Variants in ARMC3 observed in about 807,000 individuals in gnomAD.
ARMC3 encodes armadillo repeat containing 3.
ARMC3 carries 74 observed loss-of-function variants against 90.3 expected under a neutral mutation model. That is an observed-to-expected ratio of 0.82 (90% CI 0.68 to 0.99). The LOEUF (loss-of-function observed/expected upper bound fraction) is 0.99, where lower values mean the gene tolerates loss of function less well. ARMC3 is among the 50% of genes least tolerant of loss of function. The pLI is 0.00. For synonymous variants in ARMC3, 334 were observed against 361.8 expected (o/e 0.92, Z 0.87); for missense variants, 958 against 1,042.8 (o/e 0.92, Z 1.12).
At chr10:22,991,064 GTAAATTCT>G (rs1351993046) in intron 10 of ARMC3, among the ~76,000 whole-genome samples, 1 of 151,956 alleles carries the variant, frequency 6.6e-6, no homozygotes, top group African/African-American at 2.4e-5. Flanking sequence ...CCTAAAGCAA[GTAAATTCT>G]TTTGGTTTTT....
rs1836382788 is a variant in ARMC3, at chr10:22,985,575, G to A, written c.1175+3875G>A. On this transcript the variant is annotated intron_variant, in intron 10 of 18. Transcript: ENST00000298032. ...ATTGTACACAAAAGCCATACAGGAG[G>A]GCCTGATGCCTCTTTGGTATGTACA... Among the ~76,000 whole-genome samples, 3 of 152,184 alleles carry A rather than the reference G, an allele frequency of 2.0e-5. No homozygotes were observed. In the South Asian group the frequency reaches 6.2e-4, roughly 32 times the overall value.
At chr10:22,982,378 TCAAACAAA>T (rs1047094129) in intron 10 of ARMC3, among the ~76,000 whole-genome samples, 7 of 152,204 alleles carry the variant, frequency 4.6e-5, no homozygotes, top group East Asian at 1.9e-4. Context: ...AGGCTCCGCT[TCAAACAAA>T]CAAACAAACA....
At chr10:23,029,862 GT>G (rs201538457) in intron 16 of ARMC3, among the ~76,000 whole-genome samples, 3 of 151,690 alleles carry the variant, frequency 2.0e-5, no homozygotes, top group Admixed American at 1.3e-4. Context: ...CATTTTGTAG[GT>G]TTTTTTTGCT....
intron 8 of ARMC3, among the ~76,000 whole-genome samples, chr10:22,976,299 A>G (rs1835918938): frequency 6.6e-6 from 1 of 152,078 alleles, no homozygotes; most frequent in Non-Finnish European, 1.5e-5. Context: ...ACATCTCCTC[A>G]GCTCATCTCC....
chr10:22,983,945 T>C (rs1477674782), intron 10 of ARMC3, among the ~76,000 whole-genome samples: 1 of 152,206 alleles, frequency 6.6e-6, no homozygotes, highest in Non-Finnish European at 1.5e-5. Context: ...GGCATCACTT[T>C]TAGTAGCGGT....
rs142894651 is a variant in ARMC3 at position 22,975,760 on chromosome 10, C to T, written c.917-5580C>T. On this transcript the variant is annotated intron_variant, in intron 8 of 18. Coordinates refer to ENST00000298032, the MANE Select transcript of ARMC3 (RefSeq NM_173081.5). ...ACTACACAGGCAAGCCTTTTGATCT[C>T]CAGAGTCATGATTTTTTCCCCTAAT... Among the ~76,000 whole-genome samples, 153 of 152,250 alleles carry T rather than the reference C, an allele frequency of 1.0e-3. 1 individual carries two copies. The East Asian group carries it at 0.029, about 28-fold the overall frequency.
chr10:22,996,912 A>G (rs2131395381), intron 10 of ARMC3, among the ~76,000 whole-genome samples: 1 of 148,742 alleles, frequency 6.7e-6, no homozygotes, highest in Admixed American at 6.8e-5. Context: ...GCTGAATCAT[A>G]TAGCTTCAGT....
At chr10:23,007,934 T>C (rs1364692864) in intron 14 of ARMC3, among the ~76,000 whole-genome samples, 1 of 151,946 alleles carries the variant, frequency 6.6e-6, no homozygotes. Flanking sequence ...TGAAACCCCA[T>C]CTATACAAAA....
chr10:22,986,171 T>G (rs1359792046), intron 10 of ARMC3, among the ~76,000 whole-genome samples: 1 of 148,494 alleles, frequency 6.7e-6, no homozygotes, highest in Non-Finnish European at 1.5e-5. Flanking sequence ...CTTCATCTAT[T>G]TAATTCACTG....
At chr10:22,929,546 A>G (rs1833851198) in intron 1 of ARMC3, among the ~76,000 whole-genome samples, 1 of 152,064 alleles carries the variant, frequency 6.6e-6, no homozygotes, top group African/African-American at 2.4e-5. Flanking sequence ...GATAAAACAC[A>G]TAGGCTTTTT....
chr10:22,961,980 C>G lies in ARMC3; in HGVS notation c.634C>G (p.Leu212Val), dbSNP rs1835218101. Reference sequence around the variant, plus strand: ...ATATCCAGTGATTCAGTTGTTGGCTCTCAAAACCTTAGGTGTTATTGCAAA... The same window carrying G: ...ATATCCAGTGATTCAGTTGTTGGCTGTCAAAACCTTAGGTGTTATTGCAAA... ...SEYPVIQLLA[L>V]KTLGVIANDK... The change falls in exon 7 of 19, where the codon CTC becomes GTC. Residue 212 changes from leucine to valine, a missense_variant. By Grantham distance (32) the Leu-to-Val change is conservative (BLOSUM62 1). Coordinates refer to ENST00000298032, the MANE Select transcript of ARMC3 (RefSeq NM_173081.5). 1 of 1,612,620 alleles carries G rather than the reference C, an allele frequency of 6.2e-7. No individual in the cohort carries two copies. The highest frequency in any genetic ancestry group is 8.5e-7 in the Non-Finnish European group (1 of 1,179,250).
chr10:22,973,753 C>CTTTTTTTTTTTTTTTTTT (rs56405413), intron 8 of ARMC3, among the ~76,000 whole-genome samples: 3 of 79,926 alleles, frequency 3.8e-5, no homozygotes, highest in African/African-American at 5.6e-5. Flanking sequence ...CTTTGTCTTT[C>CTTTTTTTTTTTTTTTTTT]TTTTTTTTTT....
chr10:22,983,440 C>T lies in ARMC3; in HGVS notation c.1175+1740C>T, dbSNP rs531316329. Among the ~76,000 whole-genome samples the T allele has an allele frequency of 1.6e-4, 25 of 152,176 alleles. No homozygotes were observed. The South Asian group carries it at 2.5e-3, about 15-fold the overall frequency. ...AGGTCAGTCAGGACTAAATGATGCC[C>T]GACTTCTCTACTACAGTCAACTTTA... On this transcript the variant is annotated intron_variant, in intron 10 of 18. Coordinates refer to ENST00000298032, the MANE Select transcript of ARMC3 (RefSeq NM_173081.5).
Position 22,968,360 on chromosome 10 carries a change from G to T in ARMC3, c.787G>T (p.Asp263Tyr). Residue 263 changes from aspartate to tyrosine, a missense_variant, in exon 8 of 19, where the codon GAC (aspartate) becomes TAC (tyrosine). By Grantham distance (160) the Asp-to-Tyr change is radical. Coordinates refer to ENST00000298032, the MANE Select transcript of ARMC3 (RefSeq NM_173081.5). ...TGCAGTGATAGCCAATTGCCTTGAA[G>T]ACATGGATACTATGGTGCAGATTCA... is the stretch of plus-strand genomic sequence containing the variant. ...ALAVIANCLE[D>Y]MDTMVQIQQT... is the part of the protein sequence containing the mutation. 1 of 1,614,072 alleles carries T rather than the reference G, an allele frequency of 6.2e-7. No individual in the cohort carries two copies. The highest frequency in any genetic ancestry group is 8.5e-7 in the Non-Finnish European group (1 of 1,179,966).
chr10:23,036,604 C>T (rs998003393), intron 18 of ARMC3, among the ~76,000 whole-genome samples: 2 of 152,174 alleles, frequency 1.3e-5, no homozygotes, highest in Non-Finnish European at 1.5e-5. Context: ...CGCGGCTAGT[C>T]GGTCTCAGAT....
At position 23,008,886 on chromosome 10, in the gene ARMC3, G is replaced by GA; in HGVS notation, c.2003dup (p.Asn668LysfsTer41). 6.2e-7 allele frequency: 1 copy of GA among 1,613,808 alleles called. No individual in the cohort carries two copies. The highest frequency in any genetic ancestry group is 8.5e-7 in the Non-Finnish European group (1 of 1,179,858). On this transcript the variant is annotated frameshift_variant, in exon 16 of 19. Coordinates refer to ENST00000298032, the MANE Select transcript of ARMC3 (RefSeq NM_173081.5). Reference sequence around the variant, plus strand: ...GACAAATCAGAGCCAGCTTCTGGACGAAATACTGTTCTCAGCAAAAGCGCC... The same window carrying GA: ...GACAAATCAGAGCCAGCTTCTGGACGAAAATACTGTTCTCAGCAAAAGCGCC...
intron 3 of ARMC3, among the ~76,000 whole-genome samples, chr10:22,948,164 T>C (rs1834611819): frequency 6.6e-6 from 1 of 152,194 alleles, no homozygotes; most frequent in African/African-American, 2.4e-5. Flanking sequence ...CAGGTCATCA[T>C]TGGGAATCCA....
At position 22,959,381 on chromosome 10, in the gene ARMC3, T is replaced by C; in HGVS notation, c.362-18T>C. ...ATAAGCAGTTGGCATACTTGTGTTA[T>C]TTATTTTTGATACACAGAAGAAGTA... On this transcript the variant is annotated intron_variant, in intron 5 of 18. Coordinates refer to ENST00000298032, the MANE Select transcript of ARMC3 (RefSeq NM_173081.5). The C allele has an allele frequency of 3.8e-6, 6 of 1,587,402 alleles. No individual in the cohort carries two copies. Among genetic ancestry groups the C allele is most frequent in the Non-Finnish European group, 5.1e-6 (6 of 1,169,438 alleles).
At position 23,008,233 on chromosome 10, in the gene ARMC3, A is replaced by G. The variant is rs542517299; in HGVS notation, c.1830-43A>G. ...GTGGAATAAAACCATCTGTTGACAA[A>G]TAATTTTAATCTATATATAATTTTA... On this transcript the variant is annotated intron_variant, in intron 14 of 18. Coordinates refer to ENST00000298032, the MANE Select transcript of ARMC3 (RefSeq NM_173081.5). The G allele has an allele frequency of 4.7e-4, 488 of 1,036,578 alleles. 6 individuals are homozygous for G. The South Asian group carries it at 8.0e-3, about 17-fold the overall frequency. The allele number at this position is 1,036,578 out of a possible 1,614,324, so 64.2% of individuals were successfully genotyped here. A position where few individuals can be genotyped will look rare whatever the true frequency, so the allele number is the denominator to read the frequency against.
Sources: allele counts gnomAD v4.1 joint callset (sites outside exome capture counted in the v4.1 genomes callset), GRCh38; gene constraint gnomAD v4.1.1; transcripts MANE v1.5; gene names NCBI Gene and HGNC (gene_info 2026-07-23, HGNC 2026-07-21).